The following MORF4L1 variants were observed in gnomAD, a reference collection of about 807,000 sequenced individuals.
MORF4L1 encodes the protein mortality factor 4-like protein 1.
MORF4L1 carries 4 observed loss-of-function variants against 52.9 expected under a neutral mutation model. That is an observed-to-expected ratio of 0.08 (90% CI 0.04 to 0.17). The LOEUF (loss-of-function observed/expected upper bound fraction) is 0.17. Ranked by LOEUF, MORF4L1 falls within the 10% of genes least tolerant of loss-of-function variation. MORF4L1 has a pLI of 1.00. For synonymous variants in MORF4L1, 123 were observed against 134.8 expected (o/e 0.91, Z 0.61); for missense variants, 214 against 390.4 (o/e 0.55, Z 3.81).
At chr15:78,888,707 G>A (rs1414218906) in intron 5 of MORF4L1, among the ~76,000 whole-genome samples, 2 of 152,190 alleles carry the variant, frequency 1.3e-5, no homozygotes, top group East Asian at 1.9e-4. Flanking sequence ...GCACCACTGC[G>A]CTCCAGCCTC....
At chr15:78,891,428 C>T (rs927647375) in intron 6 of MORF4L1, 56 bp from the exon 7 acceptor site, 6 of 1,298,912 alleles carry the variant, frequency 4.6e-6, no homozygotes, top group Non-Finnish European at 6.7e-6. Context: ...AGACTATTTT[C>T]CTTATAGAGT....
rs1357820327 is a variant in MORF4L1, at chr15:78,891,519, A to G, written c.385A>G (p.Thr129Ala). Residue 129 changes from threonine to alanine, a missense_variant, in exon 7 of 12, where the codon ACC (threonine) becomes GCC (alanine). Transcript: ENST00000426013. ...GNGDGGSTSE[T>A]PQPPRKKRAR... ...TGGAGATGGTGGCAGTACCAGTGAG[A>G]CCCCTCAGCCTCCTCGGAAGAAAAG... The G allele has an allele frequency of 1.2e-6, 2 of 1,613,926 alleles. No individual in the cohort carries two copies. Among genetic ancestry groups the G allele is most frequent in the South Asian group, 1.1e-5 (1 of 91,076 alleles).
Position 78,897,245 on chromosome 15 carries a change from C to CTTT in MORF4L1, c.*187_*189dup. ...GGTAATAGCTCCTTTTTTCTTCTTT[C>CTTT]TTTTTTTTTTTCATTTCAAAATTGC... On this transcript the variant is annotated 3_prime_UTR_variant, in exon 12 of 12. Transcript: ENST00000426013. 2.5e-6 allele frequency: 1 copy of CTTT among 392,886 alleles called. No homozygotes were observed. The highest frequency in any genetic ancestry group is 4.8e-6 in the Non-Finnish European group (1 of 209,260). 24.3% of individuals were successfully genotyped at this position (392,886 alleles called of 1,614,324 possible). A position where few individuals can be genotyped will look rare whatever the true frequency, so the allele number is the denominator to read the frequency against.
intron 9 of MORF4L1, 74 bp downstream of exon 9, chr15:78,893,701 G>C: frequency 1.0e-6 from 1 of 981,538 alleles, no homozygotes; most frequent in Non-Finnish European, 1.5e-6. Context: ...TCTGAAACTT[G>C]TACTGACTCC....
intron 5 of MORF4L1, 21 bp from the exon 6 acceptor site, chr15:78,890,968 C>CTT: frequency 7.0e-7 from 1 of 1,434,972 alleles, no homozygotes; most frequent in Non-Finnish European, 9.3e-7. Flanking sequence ...AATTATTTTT[C>CTT]TTTTTTTTCT....
chr15:78,885,647 GT>G (rs1192439381), intron 3 of MORF4L1, among the ~76,000 whole-genome samples: 1 of 152,152 alleles, frequency 6.6e-6, no homozygotes, highest in Non-Finnish European at 1.5e-5. Context: ...ATTCTCAGGT[GT>G]TTTACATGTA....
intron 3 of MORF4L1, among the ~76,000 whole-genome samples, chr15:78,882,772 G>T (rs1389249999): frequency 6.6e-6 from 1 of 151,984 alleles, no homozygotes; most frequent in African/African-American, 2.4e-5. Context: ...TCCATCTCCT[G>T]CATTTTAAAG....
chr15:78,880,254 A>G (rs573978022), intron 2 of MORF4L1, among the ~76,000 whole-genome samples: 32 of 152,366 alleles, frequency 2.1e-4, no homozygotes, highest in Middle Eastern at 6.8e-3. Context: ...AGCTTTCATT[A>G]GCTGTCCTTG....
At chr15:78,874,469 A>G (rs1220612970) in intron 1 of MORF4L1, among the ~76,000 whole-genome samples, 1 of 152,114 alleles carries the variant, frequency 6.6e-6, no homozygotes, top group Non-Finnish European at 1.5e-5. Context: ...CACCCGGGCT[A>G]AAGCGAGCCT....
intron 1 of MORF4L1, chr15:78,873,278 G>A (rs1398925035): frequency 2.0e-5 from 29 of 1,429,192 alleles, no homozygotes; most frequent in Non-Finnish European, 2.6e-5. Context: ...GTTAGAGTGG[G>A]AGAGAGAGCG....
In MORF4L1 at chr15:78,887,313, A is replaced by G. The variant is rs779724422; in HGVS notation, c.287A>G (p.Lys96Arg). 6.2e-7 allele frequency: 1 copy of G among 1,612,360 alleles called. No homozygotes were observed. Among genetic ancestry groups the G allele is most frequent in the Admixed American group, 1.7e-5 (1 of 59,372 alleles). ...EGKMRGAAPG[K>R]KTSGLQQKNV... ...AAGATGAGAGGGGCTGCCCCAGGAA[A>G]GAAGACATCTGGTCTGCAACAGAAA... The change falls in exon 5 of 12, where the codon AAG becomes AGG. Residue 96 changes from lysine to arginine, a missense_variant. Transcript: ENST00000426013.
Position 78,872,926 on chromosome 15 carries a change from C to A in MORF4L1, c.-92C>A. ...AGGATGTAGAGCTGGCAGTGCCTGA[C>A]GGCGCGTCTGACGCGGAGTTGGGTG... On this transcript the variant is annotated 5_prime_UTR_variant, in exon 1 of 12. Coordinates refer to ENST00000426013, the MANE Select transcript of MORF4L1 (RefSeq NM_006791.4). 1 of 1,494,890 alleles carries A rather than the reference C, an allele frequency of 6.7e-7. No homozygotes were observed. Among genetic ancestry groups the A allele is most frequent in the Non-Finnish European group, 8.9e-7 (1 of 1,124,572 alleles). The allele number at this position is 1,494,890 out of a possible 1,614,324, so 92.6% of individuals were successfully genotyped here.
intron 6 of MORF4L1, 98 bp downstream of exon 6, chr15:78,891,112 T>C (rs1370455844): frequency 7.6e-7 from 1 of 1,315,968 alleles, no homozygotes. Context: ...AGCTTATGTT[T>C]ATTGATTATC....
intron 1 of MORF4L1, among the ~76,000 whole-genome samples, chr15:78,874,688 A>T (rs1198100598): frequency 6.9e-6 from 1 of 144,524 alleles, no homozygotes; most frequent in Non-Finnish European, 1.5e-5. Context: ...TCGGCCTCCC[A>T]AAGTTGTGGG....
intron 2 of MORF4L1, among the ~76,000 whole-genome samples, chr15:78,879,011 CTAA>C (rs2056548321): frequency 6.6e-6 from 1 of 151,346 alleles, no homozygotes; most frequent in Non-Finnish European, 1.5e-5. Flanking sequence ...ACATTTCTGA[CTAA>C]ATATTAGCCA....
chr15:78,884,364 T>G (rs1441797569), intron 3 of MORF4L1, among the ~76,000 whole-genome samples: 1 of 151,422 alleles, frequency 6.6e-6, no homozygotes, highest in Non-Finnish European at 1.5e-5. Flanking sequence ...ATTAGCTGGG[T>G]GTAGTGGCGC....
Position 78,892,275 on chromosome 15 carries a change from C to T in MORF4L1, c.502C>T (p.Leu168Phe). 6.2e-7 allele frequency: 1 copy of T among 1,613,708 alleles called. No homozygotes were observed. The highest frequency in any genetic ancestry group is 8.5e-7 in the Non-Finnish European group (1 of 1,179,770). The change falls in exon 8 of 12, where the codon CTT becomes TTT. Residue 168 changes from leucine (L) to phenylalanine (F), a missense_variant. Physicochemically the swap from Leu to Phe is conservative, Grantham distance 22 (BLOSUM62 0). Around this residue, in one of 5 missense-constraint regions of MORF4L1, gnomAD observed 68 missense variants for 171.6 expected, o/e 0.40. Coordinates refer to ENST00000426013, the MANE Select transcript of MORF4L1 (RefSeq NM_006791.4). Reference sequence around the variant, plus strand: ...GATTCCTGAAGAGCTAAAACCGTGGCTTGTTGATGACTGGGACTTAATTAC... The same window carrying T: ...GATTCCTGAAGAGCTAAAACCGTGGTTTGTTGATGACTGGGACTTAATTAC... ...VKIPEELKPW[L>F]VDDWDLITRQ...
intron 3 of MORF4L1, chr15:78,884,973 T>C: frequency 1.2e-6 from 2 of 1,613,598 alleles, no homozygotes; most frequent in South Asian, 1.1e-5. Context: ...TCAGAAGTGC[T>C]GTGAGGCCCA....
At chr15:78,889,760 A>G (rs931308967) in intron 5 of MORF4L1, among the ~76,000 whole-genome samples, 3 of 152,202 alleles carry the variant, frequency 2.0e-5, no homozygotes. Context: ...GAATTGTCAA[A>G]CCTTAAGACC....
Sources: allele counts gnomAD v4.1 joint callset (sites outside exome capture counted in the v4.1 genomes callset), GRCh38; gene constraint gnomAD v4.1.1; regional missense constraint gnomAD v4.1.1; transcripts MANE v1.5; gene names NCBI Gene and HGNC (gene_info 2026-07-23, HGNC 2026-07-21).